FTCDNL1: variants seen among roughly 807,000 people sequenced by gnomAD.
FTCDNL1 encodes the protein formiminotransferase cyclodeaminase N-terminal like, also known as formiminotransferase N-terminal subdomain-containing protein.
Under a neutral mutation model 5.9 loss-of-function variants are expected in FTCDNL1, and 11 were observed. The observed-to-expected ratio is 1.87, with a 90% CI of 1.18 to 3.10. The LOEUF is 3.10. Among genes scored for constraint, FTCDNL1 ranks in the 30% most tolerant of loss-of-function variants. The probability of loss-of-function intolerance (pLI) is 0.00; values close to 1 mark genes in which losing one functional copy is unlikely to be tolerated. For missense variants in FTCDNL1, 115 were observed against 65.5 expected (o/e 1.76, Z -2.61); for synonymous variants, 58 against 24.8 (o/e 2.34, Z -3.99).
At chr2:199,819,942 A>G (rs1202668712) in intron 3 of FTCDNL1, among the ~76,000 whole-genome samples, 185 bp from the exon 4 acceptor site, 1 of 152,260 alleles carries the variant, frequency 6.6e-6, no homozygotes, top group Admixed American at 6.5e-5. Flanking sequence ...CCACTAAAGC[A>G]CATGATTTAT....
At chr2:199,676,602 A>C in the FTCDNL1 span, among the ~76,000 whole-genome samples, 22 of 151,982 alleles carry the variant, frequency 1.4e-4, no homozygotes, top group Non-Finnish European at 2.6e-4. Context: ...CATGCACAAA[A>C]AATAAAATTG....
chr2:199,676,375 G>A, the FTCDNL1 span, among the ~76,000 whole-genome samples: 1 of 151,886 alleles, frequency 6.6e-6, no homozygotes, highest in Admixed American at 6.6e-5. Context: ...CATTTTTAAT[G>A]TAGCAAAATA....
chr2:199,704,418 C>T, the FTCDNL1 span, among the ~76,000 whole-genome samples: 4 of 152,018 alleles, frequency 2.6e-5, no homozygotes, highest in African/African-American at 9.7e-5. Flanking sequence ...AAGTACTGTC[C>T]AGGGAAGACT....
chr2:199,758,391 A>G (rs371766322), downstream of FTCDNL1, among the ~76,000 whole-genome samples: 34 of 151,844 alleles, frequency 2.2e-4, no homozygotes, highest in African/African-American at 7.0e-4. Flanking sequence ...TGCCCTGTAT[A>G]GTTAAGAAAT....
chr2:199,669,691 C>A, the FTCDNL1 span, among the ~76,000 whole-genome samples: 3 of 152,112 alleles, frequency 2.0e-5, no homozygotes, highest in East Asian at 3.8e-4. Context: ...TTCTGCCGAA[C>A]CTTTTGTTTG....
chr2:199,803,388 C>T (rs967564438), intron 3 of FTCDNL1, among the ~76,000 whole-genome samples: 1 of 152,032 alleles, frequency 6.6e-6, no homozygotes. Flanking sequence ...GAGGTGAAGG[C>T]CCATCAGGCC....
rs146595185 is a variant in FTCDNL1 at position 199,786,949 on chromosome 2, T to C, written c.212-26114A>G. ...TAGGGGAGTTCTAGGGAAGAATCTG[T>C]TTCCTTGCCTTTTTCAGCTTTTAGA... On this transcript the variant is annotated intron_variant, in intron 3 of 3. Coordinates refer to the FTCDNL1 transcript ENST00000416668. Among the ~76,000 whole-genome samples the C allele has an allele frequency of 4.6e-3, 701 of 152,274 alleles. 2 individuals are homozygous for C. The highest frequency in any genetic ancestry group is 8.6e-3 in the Non-Finnish European group (584 of 68,018).
chr2:199,812,499 G>A lies in FTCDNL1; in HGVS notation c.*206C>T. 2.3e-6 allele frequency: 1 copy of A among 444,278 alleles called. No homozygotes were observed. The highest frequency in any genetic ancestry group is 5.8e-5 in the South Asian group (1 of 17,326). The allele number at this position is 444,278 out of a possible 1,614,324, so 27.5% of individuals were successfully genotyped here. ...TAAATGAGAGAGATAATTAATCCCAGCAAATCGTATTTCTAGTTAAATGTC... is the reference window on the plus strand; with the variant it reads ...TAAATGAGAGAGATAATTAATCCCAACAAATCGTATTTCTAGTTAAATGTC... On this transcript the variant is annotated 3_prime_UTR_variant, in exon 5 of 5. Transcript: ENST00000420128.
chr2:199,770,870 G>A (rs1698774113), intron 3 of FTCDNL1, among the ~76,000 whole-genome samples: 1 of 152,154 alleles, frequency 6.6e-6, no homozygotes, highest in South Asian at 2.1e-4. Context: ...TGTCCTACAA[G>A]GAGCACCTGG....
chr2:199,807,173 T>G (rs556295169), downstream of FTCDNL1, among the ~76,000 whole-genome samples: 1 of 152,292 alleles, frequency 6.6e-6, no homozygotes, highest in South Asian at 2.1e-4. Flanking sequence ...TCCCAGTGAC[T>G]TATGCCAGTT....
intron 3 of FTCDNL1, among the ~76,000 whole-genome samples, chr2:199,801,374 T>C (rs1306021768): frequency 6.6e-6 from 1 of 151,952 alleles, no homozygotes; most frequent in Admixed American, 6.6e-5. Context: ...CTGCTGGGGG[T>C]AGTGGCTCAC....
the FTCDNL1 span, among the ~76,000 whole-genome samples, chr2:199,674,776 C>T: frequency 6.6e-6 from 1 of 151,968 alleles, no homozygotes; most frequent in Non-Finnish European, 1.5e-5. Context: ...CTCATGCTGC[C>T]GGGGAAGAAA....
intron 4 of FTCDNL1, among the ~76,000 whole-genome samples, chr2:199,817,505 G>A (rs1701419795): frequency 6.6e-6 from 1 of 151,944 alleles, no homozygotes; most frequent in Admixed American, 6.6e-5. Context: ...TAAAATCATG[G>A]GCCAGGCACG....
chr2:199,813,104 T>C (rs1701136870), intron 4 of FTCDNL1, among the ~76,000 whole-genome samples: 1 of 152,236 alleles, frequency 6.6e-6, no homozygotes, highest in South Asian at 2.1e-4. Flanking sequence ...AATGCAATAT[T>C]TGTGTTTGAG....
chr2:199,772,362 G>A (rs777179681), intron 3 of FTCDNL1, among the ~76,000 whole-genome samples: 4 of 152,206 alleles, frequency 2.6e-5, no homozygotes, highest in Non-Finnish European at 5.9e-5. Context: ...GCAGATAAGG[G>A]AGACAACTGC....
chr2:199,671,974 G>T, the FTCDNL1 span, among the ~76,000 whole-genome samples: 1 of 152,036 alleles, frequency 6.6e-6, no homozygotes, highest in African/African-American at 2.4e-5. Context: ...ATCTTAACAT[G>T]GGGTGGGATC....
In FTCDNL1 at chr2:199,846,952, C is replaced by T. The variant is rs1229154451; in HGVS notation, c.116-782G>A. Among the ~76,000 whole-genome samples the T allele has an allele frequency of 5.3e-5, 8 of 152,132 alleles. 1 individual carries two copies. In the South Asian group the frequency reaches 6.2e-4, roughly 12 times the overall value. ...TAAACCTTTGGTTATGCTATTATAC[C>T]TTGTCTCCTTGTCCCCTGGCAGCTT... is the stretch of plus-strand genomic sequence containing the variant. On this transcript the variant is annotated intron_variant, in intron 2 of 4. Coordinates refer to ENST00000420128, the MANE Select transcript of FTCDNL1 (RefSeq NM_001363886.2).
At chr2:199,767,019 C>G (rs1207390098) in intron 3 of FTCDNL1, among the ~76,000 whole-genome samples, 3 of 151,986 alleles carry the variant, frequency 2.0e-5, no homozygotes, top group African/African-American at 4.8e-5. Flanking sequence ...TCAAGCCATT[C>G]TGATACAAAT....
At chr2:199,667,294 C>T in the FTCDNL1 span, among the ~76,000 whole-genome samples, 1 of 152,076 alleles carries the variant, frequency 6.6e-6, no homozygotes, top group African/African-American at 2.4e-5. Flanking sequence ...GCATTGTGTA[C>T]AGACGACCAA....
Sources: allele counts gnomAD v4.1 joint callset (sites outside exome capture counted in the v4.1 genomes callset), GRCh38; gene constraint gnomAD v4.1.1; transcripts MANE v1.5; gene names NCBI Gene and HGNC (gene_info 2026-07-23, HGNC 2026-07-21).